Variants in SPATA13 observed in about 807,000 individuals in gnomAD.
SPATA13 encodes spermatogenesis-associated protein 13.
In SPATA13, 50 loss-of-function variants were observed where a neutral mutation model predicts 104.0. That is an observed-to-expected ratio of 0.48 (90% CI 0.38 to 0.61). SPATA13 has a LOEUF of 0.61. Ranked by LOEUF, SPATA13 falls within the 20% of genes least tolerant of loss-of-function variation. SPATA13 has a pLI of 0.00. For synonymous variants in SPATA13, 606 were observed against 667.5 expected (o/e 0.91, Z 1.42); for missense variants, 1,524 against 1,690.6 (o/e 0.90, Z 1.73).
At chr13:24,167,356 C>T (rs771738561) in intron 1 of SPATA13, among the ~76,000 whole-genome samples, 2 of 152,156 alleles carry the variant, frequency 1.3e-5, no homozygotes, top group Non-Finnish European at 2.9e-5. Context: ...CTCCTTTGGT[C>T]TGAGAGTTGG....
intron 3 of SPATA13, among the ~76,000 whole-genome samples, chr13:24,126,978 C>A (rs977973413): frequency 1.1e-4 from 17 of 152,114 alleles, no homozygotes; most frequent in African/African-American, 4.1e-4. Flanking sequence ...GGGTTTAAAT[C>A]CTTTCACATT....
Position 24,303,282 on chromosome 13 carries a change from G to A in SPATA13, c.*509G>A. 2.5e-6 allele frequency: 1 copy of A among 397,512 alleles called. No homozygotes were observed. Among genetic ancestry groups the A allele is most frequent in the South Asian group, 1.8e-5 (1 of 54,264 alleles). The allele number at this position is 397,512 out of a possible 1,614,324, so 24.6% of individuals were successfully genotyped here. A position where few individuals can be genotyped will look rare whatever the true frequency, so the allele number is the denominator to read the frequency against. Reference sequence around the variant, plus strand: ...AGCTCTTACTCTCTTCTGTAATACTGGGGGACCTACAGCTGCCGTGGGGCT... The same window carrying A: ...AGCTCTTACTCTCTTCTGTAATACTAGGGGACCTACAGCTGCCGTGGGGCT... On this transcript the variant is annotated 3_prime_UTR_variant, in exon 13 of 13. Transcript: ENST00000382108.
At chr13:24,251,634 A>G (rs1323918244) in intron 3 of SPATA13, 84 bp from the exon 4 acceptor site, 59 of 1,549,496 alleles carry the variant, frequency 3.8e-5, no homozygotes, top group Non-Finnish European at 5.1e-5. Context: ...AGTGGCTTCG[A>G]GGTGAGAGCG....
chr13:23,998,713 A>G (rs1280428557), intron 2 of SPATA13, among the ~76,000 whole-genome samples: 1 of 152,154 alleles, frequency 6.6e-6, no homozygotes, highest in African/African-American at 2.4e-5. Flanking sequence ...TAGGTTTTAC[A>G]TTTAGGTCTA....
chr13:24,083,228 T>C (rs941289761), intron 3 of SPATA13, among the ~76,000 whole-genome samples: 3 of 152,156 alleles, frequency 2.0e-5, no homozygotes, highest in Admixed American at 6.5e-5. Flanking sequence ...CCTAGGGCAA[T>C]AGAATAGAAA....
chr13:24,004,026 G>T (rs959947940), intron 2 of SPATA13, among the ~76,000 whole-genome samples: 2 of 152,162 alleles, frequency 1.3e-5, no homozygotes, highest in Non-Finnish European at 2.9e-5. Flanking sequence ...AAATATAGAA[G>T]TTGACTCTTG....
Position 24,125,086 on chromosome 13 carries a change from C to T in SPATA13, c.-111-97733C>T, listed in dbSNP as rs529622753. Among the ~76,000 whole-genome samples, 26 of 152,340 alleles carry T rather than the reference C, an allele frequency of 1.7e-4. No individual in the cohort carries two copies. The South Asian group carries it at 2.9e-3, about 17-fold the overall frequency. On this transcript the variant is annotated intron_variant, in intron 3 of 14. Transcript: ENST00000424834. ...ATGGCCCCATTGTCTCTCCTCTCTGCCATTTGTTTCCTTTCTCTCCAACCC... is the reference window on the plus strand; with the variant it reads ...ATGGCCCCATTGTCTCTCCTCTCTGTCATTTGTTTCCTTTCTCTCCAACCC...
At chr13:24,263,528 T>C (rs1158944872) in intron 4 of SPATA13, among the ~76,000 whole-genome samples, 1 of 152,236 alleles carries the variant, frequency 6.6e-6, no homozygotes, top group Non-Finnish European at 1.5e-5. Flanking sequence ...AAGTCCCTGA[T>C]ATAAAATGGC....
chr13:24,051,147 G>C lies in SPATA13; in HGVS notation c.-112+33446G>C, dbSNP rs1185559157. Among the ~76,000 whole-genome samples the C allele has an allele frequency of 6.6e-6, 1 of 152,106 alleles. No homozygotes were observed. The highest frequency in any genetic ancestry group is 1.5e-5 in the Non-Finnish European group (1 of 68,022). ...AATGAACTCCAAGTGAGCACTGCTG[G>C]GGCTAGCCTCCTGAAGTTTTTGGAG... is the stretch of plus-strand genomic sequence containing the variant. On this transcript the variant is annotated intron_variant, in intron 3 of 14. Coordinates refer to the SPATA13 transcript ENST00000424834. The surrounding 1 kb of genome is among the most constrained non-coding windows in gnomAD (Gnocchi z 4.2).
intron 3 of SPATA13, among the ~76,000 whole-genome samples, chr13:24,082,855 T>A (rs9578678): frequency 0.084 from 6,023 of 71,282 alleles, 140 homozygotes; most frequent in Middle Eastern, 0.13. Flanking sequence ...AAAAAAAAAA[T>A]AAGATCTTTG....
rs766288438 is a variant in SPATA13, at chr13:24,294,756, A to G, written c.3098A>G (p.Lys1033Arg). Residue 1033 changes from lysine to arginine, a missense_variant, in exon 10 of 13, where the codon AAG becomes AGG. Lys to Arg is a conservative substitution (Grantham distance 26, BLOSUM62 2). Around this residue, in one of 2 missense-constraint regions of SPATA13, gnomAD observed 435 missense variants for 554.8 expected, o/e 0.78. Transcript: ENST00000382108. ...TCTTGCAGTGATTACAGCAACATAAAGGCAGCATATGAGGCCATGAAGAAT... is the reference window on the plus strand; with the variant it reads ...TCTTGCAGTGATTACAGCAACATAAGGGCAGCATATGAGGCCATGAAGAAT... ...TQEHGDYSNI[K>R]AAYEAMKNVA... The G allele has an allele frequency of 4.3e-5, 68 of 1,596,820 alleles. No homozygotes were observed. Among genetic ancestry groups the G allele is most frequent in the Non-Finnish European group, 5.5e-5 (64 of 1,165,558 alleles).
chr13:24,138,318 A>AC (rs869089450), intron 3 of SPATA13, among the ~76,000 whole-genome samples: 103 of 80,474 alleles, frequency 1.3e-3, no homozygotes, highest in Admixed American at 1.5e-3. Flanking sequence ...AAAAAAAAAA[A>AC]AAACAGTTTT....
intron 3 of SPATA13, among the ~76,000 whole-genome samples, chr13:24,155,338 G>C (rs1400952833): frequency 6.6e-6 from 1 of 152,166 alleles, no homozygotes; most frequent in Admixed American, 6.5e-5. Context: ...TGGAGTCCAA[G>C]TGATAAACCA....
intron 3 of SPATA13, among the ~76,000 whole-genome samples, chr13:24,101,367 T>A (rs1880253062): frequency 2.0e-5 from 3 of 152,252 alleles, no homozygotes; most frequent in South Asian, 4.1e-4. Context: ...GTACTTGATT[T>A]TTTTTCATGG....
chr13:24,105,552 T>G (rs1880415840), intron 3 of SPATA13, among the ~76,000 whole-genome samples: 1 of 151,636 alleles, frequency 6.6e-6, no homozygotes, highest in Non-Finnish European at 1.5e-5. Context: ...GATAAATAGA[T>G]GTTGAATGAG....
At chr13:24,290,601 AT>A (rs774764258) in intron 8 of SPATA13, 50 bp from the exon 9 acceptor site, 1 of 1,412,552 alleles carries the variant, frequency 7.1e-7, no homozygotes, top group South Asian at 1.2e-5. Context: ...TGTCTTTGTC[AT>A]GTCCCAGAGG....
At position 24,054,664 on chromosome 13, in the gene SPATA13, A is replaced by G. The variant is rs141142575; in HGVS notation, c.-112+36963A>G. Among the ~76,000 whole-genome samples the G allele has an allele frequency of 9.3e-3, 1,412 of 152,364 alleles. 26 individuals carry two copies. The highest frequency in any genetic ancestry group is 0.032 in the African/African-American group (1,336 of 41,580). On this transcript the variant is annotated intron_variant, in intron 3 of 14. Transcript: ENST00000424834. ...AAGAGTACAGAAGAGAAAATATGTG[A>G]AATATAATAATAGTAGCGCACCGTT... is the stretch of plus-strand genomic sequence containing the variant.
chr13:24,045,804 G>A (rs1410577769), intron 3 of SPATA13, among the ~76,000 whole-genome samples: 2 of 152,174 alleles, frequency 1.3e-5, no homozygotes, highest in Non-Finnish European at 2.9e-5. Context: ...GCAGGCTCTC[G>A]GCCTACCAGG....
At chr13:24,204,665 T>A (rs3939716) in intron 1 of SPATA13, among the ~76,000 whole-genome samples, 138,025 of 152,168 alleles carry the variant, frequency 0.91, 64,132 homozygotes, top group East Asian at 1. Flanking sequence ...AAATTTGACT[T>A]CTCTAGGTAC....
Sources: gnomAD v4.1 joint callset for allele counts (sites outside exome capture counted in the v4.1 genomes callset) on GRCh38, gnomAD v4.1.1 for gene constraint, gnomAD v4.1.1 regional missense constraint, Gnocchi (gnomAD v3.1) non-coding constraint, MANE v1.5 for transcripts, NCBI Gene and HGNC (gene_info 2026-07-23, HGNC 2026-07-21) for gene names.